CADPS: variants seen among roughly 807,000 people sequenced by gnomAD.
CADPS encodes calcium dependent secretion activator.
CADPS carries 57 observed loss-of-function variants against 167.3 expected under a neutral mutation model. The ratio of observed to expected loss-of-function variants is 0.34; its 90% CI spans 0.28 to 0.42. The LOEUF is 0.42. Ranked by LOEUF, CADPS falls within the 20% of genes least tolerant of loss-of-function variation. CADPS has a pLI of 1.00. For missense variants in CADPS, 1,414 were observed against 1,738.1 expected, an observed-to-expected ratio of 0.81 and a Z score of 3.32; for synonymous variants, 676 against 635.3, an observed-to-expected ratio of 1.06 and a Z score of -0.96.
At position 62,446,325 on chromosome 3, in the gene CADPS, G is replaced by A. The variant is rs542020586; in HGVS notation, c.3637-528C>T. Among the ~76,000 whole-genome samples, 1 of 152,336 alleles carries A rather than the reference G, an allele frequency of 6.6e-6. No individual in the cohort carries two copies. On this transcript the variant is annotated intron_variant, in intron 26 of 29. Transcript: ENST00000383710. The surrounding 1 kb of genome is among the most constrained non-coding windows in gnomAD (Gnocchi z 4.9). ...TGAGAACCTTTCAAAACTGCCCAAA[G>A]GCTGCCGTTATGTCTCCTGCTTTTA...
At chr3:62,731,504 T>A (rs1409577691) in intron 3 of CADPS, among the ~76,000 whole-genome samples, 1 of 152,104 alleles carries the variant, frequency 6.6e-6, no homozygotes, top group Non-Finnish European at 1.5e-5. Context: ...TAATAACTTG[T>A]ACCCCAAATT....
At chr3:62,703,025 G>A (rs951082551) in intron 3 of CADPS, among the ~76,000 whole-genome samples, 13 of 152,060 alleles carry the variant, frequency 8.5e-5, no homozygotes, top group African/African-American at 1.9e-4. Flanking sequence ...TCCTGGTGCC[G>A]GAGCCCATGT....
At chr3:62,658,227 G>A (rs912133555) in intron 4 of CADPS, among the ~76,000 whole-genome samples, 2 of 152,168 alleles carry the variant, frequency 1.3e-5, no homozygotes, top group Non-Finnish European at 2.9e-5. Flanking sequence ...ATACTTGGGA[G>A]AATTAATGTA....
chr3:62,741,307 C>T (rs961661315), intron 3 of CADPS, among the ~76,000 whole-genome samples: 2 of 152,072 alleles, frequency 1.3e-5, no homozygotes, highest in African/African-American at 4.8e-5. Flanking sequence ...CAAAACCTAG[C>T]AGAGATGTAG....
At chr3:62,785,491 T>C (rs1220498989) in intron 1 of CADPS, among the ~76,000 whole-genome samples, 3 of 152,176 alleles carry the variant, frequency 2.0e-5, no homozygotes, top group Non-Finnish European at 4.4e-5. Flanking sequence ...AACCTTCTTA[T>C]AGAACTGCAT....
At chr3:62,667,950 G>A (rs2074781820) in intron 3 of CADPS, among the ~76,000 whole-genome samples, 1 of 152,130 alleles carries the variant, frequency 6.6e-6, no homozygotes, top group African/African-American at 2.4e-5. Context: ...TAGCTTCAGA[G>A]GCCTTGGAGA....
rs573701176 is a variant in CADPS, at chr3:62,736,123, T to C, written c.888+17318A>G. ...GTTGGGTTCAAGTTCCAAGGATACC[T>C]GTGTTACCTTGAGCCAGTCCTTCAC... On this transcript the variant is annotated intron_variant, in intron 3 of 29. Coordinates refer to ENST00000383710, the MANE Select transcript of CADPS (RefSeq NM_003716.4). Among the ~76,000 whole-genome samples, 7 of 152,334 alleles carry C rather than the reference T, an allele frequency of 4.6e-5. No homozygotes were observed. The South Asian group carries it at 6.2e-4, about 14-fold the overall frequency.
At chr3:62,452,304 C>G (rs2058158747) in intron 26 of CADPS, among the ~76,000 whole-genome samples, 1 of 152,122 alleles carries the variant, frequency 6.6e-6, no homozygotes. Context: ...TAAGGTTGGT[C>G]TGACCCTACA....
chr3:62,652,309 G>T (rs750595194), intron 4 of CADPS, among the ~76,000 whole-genome samples: 1 of 150,214 alleles, frequency 6.7e-6, no homozygotes, highest in Non-Finnish European at 1.5e-5. Flanking sequence ...ATGTGCATAG[G>T]CATAGCTTAT....
At chr3:62,617,276 T>A (rs2062465124) in intron 6 of CADPS, among the ~76,000 whole-genome samples, 1 of 151,952 alleles carries the variant, frequency 6.6e-6, no homozygotes. Flanking sequence ...AGAACGAGAT[T>A]GATGTGGTAG....
chr3:62,546,232 A>C (rs1484938072), intron 11 of CADPS, among the ~76,000 whole-genome samples: 1 of 152,118 alleles, frequency 6.6e-6, no homozygotes, highest in Non-Finnish European at 1.5e-5. Context: ...TTGGCAACCA[A>C]ATGTAAGTGA....
chr3:62,779,998 C>G (rs1206944305), intron 1 of CADPS, among the ~76,000 whole-genome samples: 1 of 152,178 alleles, frequency 6.6e-6, no homozygotes, highest in Non-Finnish European at 1.5e-5. Context: ...AGGGATTCAT[C>G]ATTGAACTGA....
intron 3 of CADPS, among the ~76,000 whole-genome samples, chr3:62,714,568 T>A (rs897445346): frequency 3.3e-5 from 5 of 152,084 alleles, no homozygotes; most frequent in African/African-American, 1.2e-4. Flanking sequence ...AAGCAAGACA[T>A]AGAAAGAAGC....
At chr3:62,814,858 T>A (rs1354343425) in intron 1 of CADPS, among the ~76,000 whole-genome samples, 1 of 152,160 alleles carries the variant, frequency 6.6e-6, no homozygotes, top group Non-Finnish European at 1.5e-5. Flanking sequence ...TTTTATTACG[T>A]TAAAGATCAA....
At chr3:62,819,781 G>A (rs185544494) in intron 1 of CADPS, among the ~76,000 whole-genome samples, 8 of 152,192 alleles carry the variant, frequency 5.3e-5, no homozygotes, top group Admixed American at 3.3e-4. Flanking sequence ...TTCTGTACAC[G>A]TTGTCATACA....
At chr3:62,801,735 A>G (rs1422873297) in intron 1 of CADPS, among the ~76,000 whole-genome samples, 1 of 152,070 alleles carries the variant, frequency 6.6e-6, no homozygotes, top group African/African-American at 2.4e-5. Flanking sequence ...AGCAGGTGTC[A>G]TTACCCCGTT....
chr3:62,812,110 A>C (rs770576067), intron 1 of CADPS, among the ~76,000 whole-genome samples: 1 of 152,204 alleles, frequency 6.6e-6, no homozygotes, highest in Admixed American at 6.5e-5. Flanking sequence ...ACATAATTAT[A>C]TACGGTATGG....
chr3:62,852,461 G>A (rs989099398), intron 1 of CADPS, among the ~76,000 whole-genome samples: 6 of 152,032 alleles, frequency 3.9e-5, no homozygotes, highest in East Asian at 3.9e-4. Flanking sequence ...TTTTGCATCC[G>A]TCTCTTCTTT....
chr3:62,722,054 C>G (rs2075940798), intron 3 of CADPS, among the ~76,000 whole-genome samples: 1 of 152,222 alleles, frequency 6.6e-6, no homozygotes, highest in South Asian at 2.1e-4. Context: ...TCATAACCAC[C>G]TGATGGGGTT....
Sources: gnomAD v4.1 joint callset for allele counts (sites outside exome capture counted in the v4.1 genomes callset) on GRCh38, gnomAD v4.1.1 for gene constraint, Gnocchi (gnomAD v3.1) non-coding constraint, MANE v1.5 for transcripts, NCBI Gene and HGNC (gene_info 2026-07-23, HGNC 2026-07-21) for gene names.